SMARCA2: variants seen among roughly 807,000 people sequenced by gnomAD.
SMARCA2 encodes the protein SWI/SNF related BAF chromatin remodeling complex subunit ATPase 2, also known as SWI/SNF-related matrix-associated actin-dependent regulator of chromatin subfamily A member 2.
In SMARCA2, 61 loss-of-function variants were observed where a neutral mutation model predicts 199.8. The observed-to-expected ratio is 0.31, with a 90% CI of 0.25 to 0.38. The LOEUF (loss-of-function observed/expected upper bound fraction) is 0.38. Ranked by LOEUF, SMARCA2 falls within the 10% of genes least tolerant of loss-of-function variation. SMARCA2 has a pLI of 1.00. For missense variants in SMARCA2, 1,344 were observed against 2,012.2 expected, an observed-to-expected ratio of 0.67 and a Z score of 6.35; for synonymous variants, 935 against 732.0, an observed-to-expected ratio of 1.28 and a Z score of -4.48.
chr9:2,065,172 G>C (rs189534569), intron 9 of SMARCA2, among the ~76,000 whole-genome samples: 1 of 151,974 alleles, frequency 6.6e-6, no homozygotes, highest in Non-Finnish European at 1.5e-5. Context: ...GCGACAGAGC[G>C]AGACTCTGTC....
intron 21 of SMARCA2, among the ~76,000 whole-genome samples, chr9:2,101,368 C>G (rs1366783540): frequency 6.6e-6 from 1 of 152,058 alleles, no homozygotes; most frequent in Non-Finnish European, 1.5e-5. Context: ...AGAAGAAACT[C>G]ACAGGATACT....
chr9:2,182,651 T>G, intron 31 of SMARCA2, among the ~76,000 whole-genome samples: 1 of 151,530 alleles, frequency 6.6e-6, no homozygotes, highest in African/African-American at 2.4e-5. Flanking sequence ...CCCACCACCA[T>G]GCCTGGCTGA....
At chr9:2,091,624 A>T (rs1420867569) in intron 19 of SMARCA2, among the ~76,000 whole-genome samples, 1 of 152,186 alleles carries the variant, frequency 6.6e-6, no homozygotes, top group African/African-American at 2.4e-5. Flanking sequence ...CCTTAGGTGT[A>T]TGACTGGTTG....
At chr9:2,175,016 C>G (rs529815711) in intron 29 of SMARCA2, among the ~76,000 whole-genome samples, 3 of 147,208 alleles carry the variant, frequency 2.0e-5, no homozygotes, top group Non-Finnish European at 4.5e-5. Flanking sequence ...CGTGTGGGTT[C>G]TTACATTTTG....
At chr9:2,173,704 C>G (rs895466258) in intron 29 of SMARCA2, among the ~76,000 whole-genome samples, 1 of 152,122 alleles carries the variant, frequency 6.6e-6, no homozygotes, top group African/African-American at 2.4e-5. Context: ...CCTTCCTACT[C>G]CTTCTTGGAG....
intron 2 of SMARCA2, among the ~76,000 whole-genome samples, chr9:2,029,483 G>A (rs576719374): frequency 6.6e-6 from 1 of 152,232 alleles, no homozygotes; most frequent in Non-Finnish European, 1.5e-5. Context: ...AGACTATGCA[G>A]TTCTGATAAG....
chr9:2,096,770 T>C lies in SMARCA2; in HGVS notation c.2991+6T>C. On this transcript the variant is annotated splice_donor_region_variant and intron_variant, in intron 20 of 33. Coordinates refer to ENST00000349721, the MANE Select transcript of SMARCA2 (RefSeq NM_003070.5). ...GTTCTGAGAAAGATAAGAAGGTACG[T>C]TGCGAAAGATGATGCAACTCAAGGT... 6.4e-7 allele frequency: 1 copy of C among 1,566,530 alleles called. No individual in the cohort carries two copies. Among genetic ancestry groups the C allele is most frequent in the Non-Finnish European group, 8.8e-7 (1 of 1,136,394 alleles).
In SMARCA2 at chr9:2,115,791, A is replaced by C. The variant is rs1312436530; in HGVS notation, c.3457-31A>C. ...TTTGGATGCCTATGCCAGGCATCTC[A>C]GTCCTCATAGCATATTGACCCCCCA... On this transcript the variant is annotated intron_variant, in intron 24 of 33. Transcript: ENST00000349721. This position sits in a 1 kb window ranked among gnomAD's most constrained non-coding sequence, Gnocchi z 6.0. The C allele has an allele frequency of 6.3e-7, 1 of 1,584,264 alleles. No individual in the cohort carries two copies. The highest frequency in any genetic ancestry group is 1.7e-5 in the Admixed American group (1 of 59,476).
At position 2,169,525 on chromosome 9, in the gene SMARCA2, T is replaced by G. The variant is rs1826124832; in HGVS notation, c.4200-894T>G. Among the ~76,000 whole-genome samples the G allele has an allele frequency of 6.6e-6, 1 of 152,146 alleles. No homozygotes were observed. The highest frequency in any genetic ancestry group is 2.4e-5 in the African/African-American group (1 of 41,420). ...ATGCGCTTCCACCCCTCTGTTGATT[T>G]GTTTATGGGTTTATGCTTTTCCCTC... On this transcript the variant is annotated intron_variant, in intron 28 of 33. Coordinates refer to ENST00000349721, the MANE Select transcript of SMARCA2 (RefSeq NM_003070.5). This position sits in a 1 kb window ranked among gnomAD's most constrained non-coding sequence, Gnocchi z 6.5.
At chr9:2,187,434 G>A (rs556846374) in intron 32 of SMARCA2, among the ~76,000 whole-genome samples, 2 of 152,138 alleles carry the variant, frequency 1.3e-5, no homozygotes, top group African/African-American at 4.8e-5. Context: ...CACTCTGGGA[G>A]GCTGAGGCAG....
Position 2,039,450 on chromosome 9 carries a change from TTG to T in SMARCA2, c.356-12_356-11del. 6.2e-7 allele frequency: 1 copy of T among 1,602,558 alleles called. No homozygotes were observed. Among genetic ancestry groups the T allele is most frequent in the Non-Finnish European group, 8.5e-7 (1 of 1,172,794 alleles). ...GTCAGGGGCAGCCTGTGATTTCCTT[TTG>T]TGTTTTATTTTAGGTTATATGTCAC... is the stretch of plus-strand genomic sequence containing the variant. On this transcript the variant is annotated splice_polypyrimidine_tract_variant and intron_variant, in intron 3 of 33. Transcript: ENST00000349721. The surrounding 1 kb of genome is among the most constrained non-coding windows in gnomAD (Gnocchi z 4.8).
Position 2,105,098 on chromosome 9 carries a change from G to A in SMARCA2, c.3292+929G>A, listed in dbSNP as rs548382073. 1.6e-3 allele frequency among the ~76,000 whole-genome samples: 246 copies of A among 152,200 alleles called. 1 individual carries two copies. The highest frequency in any genetic ancestry group is 5.6e-3 in the African/African-American group (234 of 41,508). ...GTTTTCCTTTTTGCCTTAATTGAAC[G>A]TAATTGGATAGATACCAAACTCAGA... On this transcript the variant is annotated intron_variant, in intron 23 of 33. Transcript: ENST00000349721.
chr9:2,060,864 A>G lies in SMARCA2; in HGVS notation c.1570A>G (p.Arg524Gly). The change falls in exon 9 of 34, where the codon AGG becomes GGG. Residue 524 changes from arginine (R) to glycine (G), a missense_variant. Arg to Gly is a moderately radical substitution (Grantham distance 125). This residue lies in a region of SMARCA2 where 4 missense variants were observed against 35.9 expected (regional missense o/e 0.11). Coordinates refer to ENST00000349721, the MANE Select transcript of SMARCA2 (RefSeq NM_003070.5). ...AAAACTGATTGATCAAAAGAAAGAC[A>G]GGCGTTTAGCTTACCTTTTGCAGCA... Reference protein sequence around the residue: ...YRKLIDQKKDRRLAYLLQQTD... With the variant: ...YRKLIDQKKDGRLAYLLQQTD... The G allele has an allele frequency of 6.2e-7, 1 of 1,614,160 alleles. No individual in the cohort carries two copies.
At position 2,108,151 on chromosome 9, in the gene SMARCA2, CAT is replaced by C. The variant is rs1275382770; in HGVS notation, c.3293-2102_3293-2101del. ...TTTTGGCTCTCCAACATCAAAAGGC[CAT>C]CTCTTGGGCACTTGCGCTCAGGCCC... On this transcript the variant is annotated intron_variant, in intron 23 of 33. Transcript: ENST00000349721. 3.3e-5 allele frequency among the ~76,000 whole-genome samples: 5 copies of C among 152,278 alleles called. No homozygotes were observed. The East Asian group carries it at 5.8e-4, about 18-fold the overall frequency.
chr9:2,183,517 GAAAGAA>G (rs1355731769), intron 31 of SMARCA2, among the ~76,000 whole-genome samples: 1 of 152,168 alleles, frequency 6.6e-6, no homozygotes, highest in Non-Finnish European at 1.5e-5. Context: ...CCATGAAGAA[GAAAGAA>G]AAAGACAAAG....
At chr9:2,103,022 T>C (rs953923171) in intron 22 of SMARCA2, among the ~76,000 whole-genome samples, 2 of 151,836 alleles carry the variant, frequency 1.3e-5, no homozygotes, top group South Asian at 2.1e-4. Flanking sequence ...AGGACCTTTA[T>C]GCATGCTCTT....
intron 13 of SMARCA2, among the ~76,000 whole-genome samples, chr9:2,077,295 T>C (rs1288512136): frequency 6.6e-6 from 1 of 152,194 alleles, no homozygotes; most frequent in African/African-American, 2.4e-5. Flanking sequence ...TCTGCAGGTG[T>C]AGGGTTCAGG....
intron 28 of SMARCA2, among the ~76,000 whole-genome samples, chr9:2,168,024 T>A (rs569920499): frequency 1.1e-4 from 16 of 143,336 alleles, no homozygotes; most frequent in African/African-American, 3.9e-4. Context: ...ATGAGCTTTT[T>A]TTCTTTTTCT....
At chr9:2,018,958 A>C (rs1439787514) in intron 1 of SMARCA2, among the ~76,000 whole-genome samples, 1 of 152,206 alleles carries the variant, frequency 6.6e-6, no homozygotes, top group Non-Finnish European at 1.5e-5. Context: ...TAGTTGCTGC[A>C]TTGTTATGCA....
Sources: allele counts gnomAD v4.1 joint callset (sites outside exome capture counted in the v4.1 genomes callset), GRCh38; gene constraint gnomAD v4.1.1; regional missense constraint gnomAD v4.1.1; non-coding constraint Gnocchi (gnomAD v3.1); transcripts MANE v1.5; gene names NCBI Gene and HGNC (gene_info 2026-07-23, HGNC 2026-07-21).